Variants in CNTN1 observed in about 807,000 individuals in gnomAD.
The protein encoded by CNTN1 is contactin 1, also known as contactin-1.
CNTN1 carries 38 observed loss-of-function variants against 126.4 expected under a neutral mutation model. That is an observed-to-expected ratio of 0.30 (90% CI 0.23 to 0.39). The LOEUF is 0.39. Among genes scored for constraint, CNTN1 ranks in the 10% least tolerant of loss-of-function variants. The probability of loss-of-function intolerance (pLI) is 1.00; values close to 1 mark genes in which losing one functional copy is unlikely to be tolerated. For missense variants in CNTN1, 1,009 were observed against 1,248.4 expected (o/e 0.81, Z 2.89); for synonymous variants, 413 against 422.6 (o/e 0.98, Z 0.28).
intron 1 of CNTN1, among the ~76,000 whole-genome samples, chr12:40,814,380 G>A (rs796113285): frequency 3.9e-5 from 6 of 152,256 alleles, no homozygotes; most frequent in African/African-American, 7.2e-5. Context: ...TGTATAAGAC[G>A]TAAGGACGGA....
At chr12:40,739,848 A>G (rs1009232101) in intron 1 of CNTN1, among the ~76,000 whole-genome samples, 3 of 152,102 alleles carry the variant, frequency 2.0e-5, no homozygotes, top group African/African-American at 7.2e-5. Flanking sequence ...TGAAATAAAC[A>G]TTAGTAAATG....
chr12:40,841,012 A>C (rs1206725733), intron 1 of CNTN1, among the ~76,000 whole-genome samples: 1 of 151,996 alleles, frequency 6.6e-6, no homozygotes, highest in Non-Finnish European at 1.5e-5. Context: ...AGTAAAACAA[A>C]AAGTTGGTTA....
chr12:40,998,602 G>T (rs1229274149), intron 17 of CNTN1, among the ~76,000 whole-genome samples: 2 of 152,004 alleles, frequency 1.3e-5, no homozygotes, highest in East Asian at 3.9e-4. Context: ...GAGTTGCAAA[G>T]AACTATTCTC....
chr12:40,721,473 CAAAACTT>C (rs1942210642), intron 1 of CNTN1, among the ~76,000 whole-genome samples: 1 of 151,924 alleles, frequency 6.6e-6, no homozygotes, highest in Non-Finnish European at 1.5e-5. Flanking sequence ...TTCTCAATCT[CAAAACTT>C]AATATATTCA....
At chr12:41,034,749 A>C (rs1291357883) in intron 23 of CNTN1, among the ~76,000 whole-genome samples, 2 of 152,248 alleles carry the variant, frequency 1.3e-5, no homozygotes, top group African/African-American at 4.8e-5. Context: ...TTACCATTGA[A>C]TCATGACTAA....
At position 40,913,660 on chromosome 12, in the gene CNTN1, T is replaced by C. The variant is rs560346796; in HGVS notation, c.94+3555T>C. ...AAATCATAATTTTACTTTCAATTCC[T>C]GGAAGTAAAATAGAATAGCAATATT... On this transcript the variant is annotated intron_variant, in intron 3 of 23. Transcript: ENST00000551295. Among the ~76,000 whole-genome samples the C allele has an allele frequency of 7.9e-5, 12 of 152,300 alleles. No individual in the cohort carries two copies. The South Asian group carries it at 1.7e-3, about 21-fold the overall frequency.
intron 11 of CNTN1, among the ~76,000 whole-genome samples, chr12:40,938,988 C>G (rs1946173695): frequency 6.6e-6 from 1 of 152,094 alleles, no homozygotes; most frequent in Admixed American, 6.6e-5. Flanking sequence ...GTTACCCAGT[C>G]TGCTCTCAAA....
At chr12:40,763,164 G>C (rs1257808664) in intron 1 of CNTN1, 1 of 152,208 alleles carries the variant, frequency 6.6e-6, no homozygotes, top group Non-Finnish European at 1.5e-5. Flanking sequence ...AGAAGCAAAC[G>C]CTAGTGCCAG....
At chr12:40,748,660 C>T (rs1023905004) in intron 1 of CNTN1, among the ~76,000 whole-genome samples, 2 of 152,060 alleles carry the variant, frequency 1.3e-5, no homozygotes, top group African/African-American at 4.8e-5. Flanking sequence ...CTTTTATCCT[C>T]AGTGTATTCA....
intron 1 of CNTN1, among the ~76,000 whole-genome samples, chr12:40,764,050 A>C (rs960353276): frequency 6.6e-6 from 1 of 152,232 alleles, no homozygotes; most frequent in Non-Finnish European, 1.5e-5. Context: ...GTTTATTTCC[A>C]TCTGTTCACA....
rs190889758 is a variant in CNTN1 at position 40,922,239 on chromosome 12, G to A, written c.228-17G>A. 1 of 1,612,424 alleles carries A rather than the reference G, an allele frequency of 6.2e-7. No homozygotes were observed. Among genetic ancestry groups the A allele is most frequent in the Non-Finnish European group, 8.5e-7 (1 of 1,178,632 alleles). ...TCTCATGACCTGTGATATGACCTTT[G>A]TGTCTTTTTCTCATAGATGGAGAAT... On this transcript the variant is annotated splice_polypyrimidine_tract_variant and intron_variant, in intron 4 of 23. Transcript: ENST00000551295.
chr12:40,850,709 C>T (rs1942685031), intron 1 of CNTN1, among the ~76,000 whole-genome samples: 1 of 151,978 alleles, frequency 6.6e-6, no homozygotes, highest in African/African-American at 2.4e-5. Context: ...TATTCTTCAG[C>T]TGTCTATGAG....
Position 40,880,436 on chromosome 12 carries a change from T to C in CNTN1, c.-76-27921T>C, listed in dbSNP as rs560623911. ...AAGAAAATAATAAAGTCATCAAGTT[T>C]TCAGGATATAATGATAAATACCTTT... On this transcript the variant is annotated intron_variant, in intron 1 of 23. Coordinates refer to ENST00000551295, the MANE Select transcript of CNTN1 (RefSeq NM_001843.4). 6.6e-4 allele frequency among the ~76,000 whole-genome samples: 101 copies of C among 152,150 alleles called. 1 individual carries two copies. The highest frequency in any genetic ancestry group is 2.3e-3 in the African/African-American group (96 of 41,550).
rs1950163519 is a variant in CNTN1 at position 41,071,782 on chromosome 12, T to C, written c.*1747T>C. 1 of 152,188 alleles carries C rather than the reference T, an allele frequency of 6.6e-6. No individual in the cohort carries two copies. Among genetic ancestry groups the C allele is most frequent in the Admixed American group, 6.5e-5 (1 of 15,280 alleles). 9.4% of individuals were successfully genotyped at this position (152,188 alleles called of 1,614,324 possible). On this transcript the variant is annotated 3_prime_UTR_variant, in exon 24 of 24. Coordinates refer to ENST00000551295, the MANE Select transcript of CNTN1 (RefSeq NM_001843.4). ...AAGTATTTGAAAAAGAAACAAAATG[T>C]CTTCATACTTTAGGGAAACGAATAC...
At chr12:40,740,818 C>A (rs1592034705) in intron 1 of CNTN1, among the ~76,000 whole-genome samples, 1 of 152,030 alleles carries the variant, frequency 6.6e-6, no homozygotes, top group African/African-American at 2.4e-5. Context: ...TTATAAAGGG[C>A]AGTTCCCCTG....
chr12:41,031,464 A>G (rs1045448873), intron 23 of CNTN1, among the ~76,000 whole-genome samples: 6 of 152,166 alleles, frequency 3.9e-5, no homozygotes, highest in Non-Finnish European at 8.8e-5. Context: ...TATTTACTAC[A>G]TTTGTTTTAA....
At chr12:40,913,591 G>T (rs144445594) in intron 3 of CNTN1, among the ~76,000 whole-genome samples, 162 of 152,226 alleles carry the variant, frequency 1.1e-3, no homozygotes, top group African/African-American at 3.7e-3. Flanking sequence ...AGTGGAGTTT[G>T]TCTCAAAAAG....
Position 41,070,015 on chromosome 12 carries a change from C to A in CNTN1, c.3037C>A (p.Leu1013Ile), listed in dbSNP as rs201778720. Residue 1013 changes from leucine to isoleucine, a missense_variant, in exon 24 of 24, where the codon CTT becomes ATT. Leu to Ile is a conservative substitution (Grantham distance 5). Coordinates refer to ENST00000551295, the MANE Select transcript of CNTN1 (RefSeq NM_001843.4). ...LGLLLPAFGI[L>I]VYLEF Reference sequence around the variant, plus strand: ...CTTACTGCTGCCTGCCTTTGGCATCCTTGTCTACTTGGAATTCTGAATGTG... The same window carrying A: ...CTTACTGCTGCCTGCCTTTGGCATCATTGTCTACTTGGAATTCTGAATGTG... The A allele has an allele frequency of 1.3e-5, 21 of 1,614,050 alleles. No individual in the cohort carries two copies. The highest frequency in any genetic ancestry group is 8.5e-6 in the Non-Finnish European group (10 of 1,179,978).
chr12:40,977,539 CTT>C (rs1313260909), intron 15 of CNTN1, among the ~76,000 whole-genome samples: 1 of 151,702 alleles, frequency 6.6e-6, no homozygotes, highest in Non-Finnish European at 1.5e-5. Flanking sequence ...TCCCTGCTTT[CTT>C]TTAAGTAATA....
Sources: allele counts gnomAD v4.1 joint callset (sites outside exome capture counted in the v4.1 genomes callset), GRCh38; gene constraint gnomAD v4.1.1; transcripts MANE v1.5; gene names NCBI Gene and HGNC (gene_info 2026-07-23, HGNC 2026-07-21).